Variants in ARGFX observed in about 807,000 individuals in gnomAD.
ARGFX encodes the protein arginine-fifty homeobox.
A neutral mutation model predicts 8.0 loss-of-function variants in ARGFX; 10 were observed. The observed-to-expected ratio is 1.25, with a 90% CI of 0.77 to 2.12. ARGFX has a LOEUF of 2.12. Ranked by LOEUF, ARGFX falls within the 30% of genes most tolerant of loss-of-function variation. ARGFX has a pLI of 0.00. For missense variants in ARGFX, 282 were observed against 324.3 expected (o/e 0.87, Z 1.00); for synonymous variants, 116 against 117.8 (o/e 0.98, Z 0.10).
chr3:121,568,925 C>G (rs990197979), intron 1 of ARGFX, among the ~76,000 whole-genome samples: 8 of 152,146 alleles, frequency 5.3e-5, no homozygotes, highest in African/African-American at 1.9e-4. Flanking sequence ...CTCAGAACCT[C>G]TTTATATTCT....
chr3:121,571,085 A>T (rs2048705496), intron 2 of ARGFX, among the ~76,000 whole-genome samples: 1 of 152,236 alleles, frequency 6.6e-6, no homozygotes, highest in Non-Finnish European at 1.5e-5. Context: ...TGAAACATAG[A>T]CAGATAGAAA....
intron 1 of ARGFX, among the ~76,000 whole-genome samples, 101 bp downstream of exon 1, chr3:121,568,114 C>T (rs934096841): frequency 6.6e-6 from 1 of 152,108 alleles, no homozygotes; most frequent in Admixed American, 6.5e-5. Flanking sequence ...ATGCAAACCA[C>T]TCAGCCCATT....
At chr3:121,571,204 G>A (rs1378532154) in intron 2 of ARGFX, among the ~76,000 whole-genome samples, 1 of 152,152 alleles carries the variant, frequency 6.6e-6, no homozygotes, top group African/African-American at 2.4e-5. Flanking sequence ...TTGTATACAT[G>A]TATAAGAAGA....
At chr3:121,577,248 T>TATATATATATATATATCTACATGTAC (rs2048746313) in intron 3 of ARGFX, among the ~76,000 whole-genome samples, 2 of 54,064 alleles carry the variant, frequency 3.7e-5, no homozygotes, top group Non-Finnish European at 3.6e-5. Context: ...TATATATATA[T>TATATATATATATATATCTACATGTAC]ATATATATAT....
intron 3 of ARGFX, among the ~76,000 whole-genome samples, chr3:121,581,474 T>C (rs1210933986): frequency 6.6e-6 from 1 of 152,204 alleles, no homozygotes; most frequent in Non-Finnish European, 1.5e-5. Context: ...AAATATTTCA[T>C]GAGAAATACT....
chr3:121,570,785 G>C lies in ARGFX; in HGVS notation c.72G>C (p.Lys24Asn). 1.2e-6 allele frequency: 2 copies of C among 1,607,306 alleles called. No individual in the cohort carries two copies. Among genetic ancestry groups the C allele is most frequent in the East Asian group, 4.5e-5 (2 of 44,256 alleles). Residue 24 changes from lysine (K) to asparagine (N), a missense_variant, in exon 2 of 5, where the codon AAG becomes AAC. By Grantham distance (94) the Lys-to-Asn change is moderately conservative (BLOSUM62 0). Transcript: ENST00000334384. ...TCAATAGGAATTATTCCAACATGAAGGTGATACCACCACAGGATCCAGCTA... is the reference window on the plus strand; with the variant it reads ...TCAATAGGAATTATTCCAACATGAACGTGATACCACCACAGGATCCAGCTA... Reference protein sequence around the residue: ...PFINRNYSNMKVIPPQDPASP... With the variant: ...PFINRNYSNMNVIPPQDPASP...
Position 121,588,762 on chromosome 3 carries a change from CAA to C in ARGFX, c.*2176_*2177del, listed in dbSNP as rs34783142. Among the ~76,000 whole-genome samples, 6 of 107,506 alleles carry C rather than the reference CAA, an allele frequency of 5.6e-5. No homozygotes were observed. The highest frequency in any genetic ancestry group is 9.8e-5 in the Admixed American group (1 of 10,240). 70.5% of individuals were successfully genotyped at this position (107,506 alleles called of 152,430 possible). Reference sequence around the variant, plus strand: ...TGAAATCCTGCCTCTACTAAAAATACAAAAAAAAAAAAAAATTAGCTGGGCAT... The same window carrying C: ...TGAAATCCTGCCTCTACTAAAAATACAAAAAAAAAAAAATTAGCTGGGCAT... On this transcript the variant is annotated 3_prime_UTR_variant, in exon 5 of 5. Transcript: ENST00000334384.
chr3:121,583,045 T>G (rs903648150), intron 3 of ARGFX, among the ~76,000 whole-genome samples: 2 of 149,506 alleles, frequency 1.3e-5, no homozygotes, highest in Admixed American at 6.7e-5. Context: ...TTTTTTTTTT[T>G]TTGAGACAGA....
In ARGFX at chr3:121,588,334, C is replaced by T. The variant is rs1273163537; in HGVS notation, c.*1734C>T. ...TACAAAAAAAAAAAAAAAAAAAAGCCAGGCATGGTGGCACACACCTGTAAT... is the reference window on the plus strand; with the variant it reads ...TACAAAAAAAAAAAAAAAAAAAAGCTAGGCATGGTGGCACACACCTGTAAT... On this transcript the variant is annotated 3_prime_UTR_variant, in exon 5 of 5. Transcript: ENST00000334384. Among the ~76,000 whole-genome samples the T allele has an allele frequency of 7.1e-3, 970 of 136,946 alleles. No individual in the cohort carries two copies. Among genetic ancestry groups the T allele is most frequent in the African/African-American group, 0.026 (886 of 33,836 alleles). The allele number at this position is 136,946 out of a possible 152,430, so 89.8% of individuals were successfully genotyped here. A position where few individuals can be genotyped will look rare whatever the true frequency, so the allele number is the denominator to read the frequency against.
At position 121,588,375 on chromosome 3, in the gene ARGFX, G is replaced by A. The variant is rs2048825882; in HGVS notation, c.*1775G>A. On this transcript the variant is annotated 3_prime_UTR_variant, in exon 5 of 5. Coordinates refer to ENST00000334384, the MANE Select transcript of ARGFX (RefSeq NM_001012659.2). ...CACCTGTAATCCCAGCTACTCGGGA[G>A]GCTGAGGAAGGAGAATTGCTTGAAC... Among the ~76,000 whole-genome samples the A allele has an allele frequency of 6.6e-6, 1 of 150,550 alleles. No homozygotes were observed. The highest frequency in any genetic ancestry group is 2.1e-4 in the South Asian group (1 of 4,756).
rs1448725582 is a variant in ARGFX, at chr3:121,590,226, T to C, written c.*3626T>C. Among the ~76,000 whole-genome samples the C allele has an allele frequency of 6.6e-6, 1 of 152,148 alleles. No individual in the cohort carries two copies. The highest frequency in any genetic ancestry group is 2.4e-5 in the African/African-American group (1 of 41,440). ...CAAATCTGACTCCACAAGAAATAGATGTTGTGAATAGAGCTTGCTATGGTA... is the reference window on the plus strand; with the variant it reads ...CAAATCTGACTCCACAAGAAATAGACGTTGTGAATAGAGCTTGCTATGGTA... On this transcript the variant is annotated 3_prime_UTR_variant, in exon 5 of 5. Transcript: ENST00000334384.
At chr3:121,583,707 C>T (rs1010347803) in intron 3 of ARGFX, among the ~76,000 whole-genome samples, 3 of 151,592 alleles carry the variant, frequency 2.0e-5, no homozygotes, top group Non-Finnish European at 1.5e-5. Context: ...TTTAATTTTT[C>T]ATAGAGACAG....
At position 121,586,987 on chromosome 3, in the gene ARGFX, T is replaced by G. The variant is rs1287686172; in HGVS notation, c.*387T>G. Among the ~76,000 whole-genome samples, 3 of 152,082 alleles carry G rather than the reference T, an allele frequency of 2.0e-5. No homozygotes were observed. Among genetic ancestry groups the G allele is most frequent in the Admixed American group, 1.3e-4 (2 of 15,256 alleles). ...TCACAAAAGCCTTGACCTCCTGGGC[T>G]CAGGTGATCCTCCCACCTCAGCCTC... On this transcript the variant is annotated 3_prime_UTR_variant, in exon 5 of 5. Coordinates refer to ENST00000334384, the MANE Select transcript of ARGFX (RefSeq NM_001012659.2).
Position 121,576,707 on chromosome 3 carries a change from T to TTTCTTTCTTTC in ARGFX, c.104-75_104-74insCTTTCTTTCTT, listed in dbSNP as rs1553834276. ...TTTTTCTTTCTTTCTCTTTCTTTCT[T>TTTCTTTCTTTC]TTTCTTTCTTTCTTTCTTTCTTTCT... On this transcript the variant is annotated intron_variant, in intron 2 of 4. Coordinates refer to ENST00000334384, the MANE Select transcript of ARGFX (RefSeq NM_001012659.2). 772 of 249,136 alleles carry TTTCTTTCTTTC rather than the reference T, an allele frequency of 3.1e-3. 10 individuals carry two copies. Among genetic ancestry groups the TTTCTTTCTTTC allele is most frequent in the African/African-American group, 9.6e-3 (362 of 37,722 alleles). The allele number at this position is 249,136 out of a possible 1,614,324, so 15.4% of individuals were successfully genotyped here.
chr3:121,572,051 G>A (rs2048712043), intron 2 of ARGFX, among the ~76,000 whole-genome samples: 1 of 151,536 alleles, frequency 6.6e-6, no homozygotes. Flanking sequence ...GGATGGTCTA[G>A]GATCTCCTGA....
chr3:121,580,482 G>C (rs893883779), intron 3 of ARGFX, among the ~76,000 whole-genome samples: 2 of 151,596 alleles, frequency 1.3e-5, no homozygotes, highest in African/African-American at 4.8e-5. Flanking sequence ...CTGCCTCTCT[G>C]AGGTTGTCAT....
chr3:121,572,244 T>G (rs1409390606), intron 2 of ARGFX, among the ~76,000 whole-genome samples: 2 of 144,222 alleles, frequency 1.4e-5, no homozygotes, highest in Admixed American at 7.0e-5. Flanking sequence ...TTGTTTTTTT[T>G]TTTTTTTTTT....
chr3:121,582,186 G>C (rs2048783988), intron 3 of ARGFX, among the ~76,000 whole-genome samples: 1 of 152,128 alleles, frequency 6.6e-6, no homozygotes, highest in African/African-American at 2.4e-5. Context: ...GCACCCCTAT[G>C]GGATGAGTGT....
At position 121,584,989 on chromosome 3, in the gene ARGFX, G is replaced by A. The variant is rs1425143534; in HGVS notation, c.293G>A (p.Ser98Asn). 15 of 1,613,880 alleles carry A rather than the reference G, an allele frequency of 9.3e-6. No homozygotes were observed. The highest frequency in any genetic ancestry group is 1.3e-5 in the Non-Finnish European group (15 of 1,180,008). Reference sequence around the variant, plus strand: ...TATGAGGAGCTAGAAGCTCTGTTTAGCCAGACCATGTTCCCAGATAGAAAT... The same window carrying A: ...TATGAGGAGCTAGAAGCTCTGTTTAACCAGACCATGTTCCCAGATAGAAAT... ...QQYEELEALF[S>N]QTMFPDRNLQ... Residue 98 changes from serine to asparagine, a missense_variant, in exon 4 of 5, where the codon AGC (serine) becomes AAC (asparagine). Transcript: ENST00000334384.
Sources: gnomAD v4.1 joint callset for allele counts (sites outside exome capture counted in the v4.1 genomes callset) on GRCh38, gnomAD v4.1.1 for gene constraint, MANE v1.5 for transcripts, NCBI Gene and HGNC (gene_info 2026-07-23, HGNC 2026-07-21) for gene names.